Variants in FRAS1 observed in about 807,000 individuals in gnomAD.
FRAS1 encodes the protein extracellular matrix organizing protein FRAS1.
FRAS1 carries 290 observed loss-of-function variants against 435.2 expected under a neutral mutation model. The ratio of observed to expected loss-of-function variants is 0.67; its 90% CI spans 0.61 to 0.73. The LOEUF is 0.73. FRAS1 is among the 30% of genes least tolerant of loss of function. FRAS1 has a pLI of 0.00. For synonymous variants in FRAS1, 1,800 were observed against 1,851.0 expected (o/e 0.97, Z 0.71); for missense variants, 4,860 against 5,001.5 (o/e 0.97, Z 0.85).
intron 18 of FRAS1, among the ~76,000 whole-genome samples, chr4:78,326,166 T>C (rs1169636259): frequency 6.6e-6 from 1 of 152,078 alleles, no homozygotes; most frequent in African/African-American, 2.4e-5. Context: ...GTCTGGTGGA[T>C]GTGTGGCAGA....
intron 20 of FRAS1, among the ~76,000 whole-genome samples, chr4:78,356,749 T>A (rs906123591): frequency 6.6e-6 from 1 of 151,442 alleles, no homozygotes; most frequent in Non-Finnish European, 1.5e-5. Context: ...TTTCTTAGAT[T>A]GTTAGTTTTC....
rs2110232457 is a variant in FRAS1, at chr4:78,315,705, A to G, written c.1790A>G (p.Tyr597Cys). 6.2e-7 allele frequency: 1 copy of G among 1,614,006 alleles called. No individual in the cohort carries two copies. The highest frequency in any genetic ancestry group is 8.5e-7 in the Non-Finnish European group (1 of 1,179,884). The change falls in exon 16 of 74, where the codon TAC (tyrosine) becomes TGC (cysteine). Residue 597 changes from tyrosine to cysteine, a missense_variant. By Grantham distance (194) the Tyr-to-Cys change is radical. Transcript: ENST00000512123. ...GKCMSECPGG[Y>C]YADATGRCKV... ...TGCATGTCTGAATGCCCTGGCGGGTACTATGCTGATGCCACTGGCAGGTGC... is the reference window on the plus strand; with the variant it reads ...TGCATGTCTGAATGCCCTGGCGGGTGCTATGCTGATGCCACTGGCAGGTGC...
At chr4:78,354,808 A>T (rs958346905) in intron 20 of FRAS1, among the ~76,000 whole-genome samples, 1 of 152,224 alleles carries the variant, frequency 6.6e-6, no homozygotes, top group Non-Finnish European at 1.5e-5. Context: ...CATAAAACCA[A>T]CATCCAAAGC....
intron 15 of FRAS1, among the ~76,000 whole-genome samples, chr4:78,313,050 C>T (rs1729098029): frequency 6.6e-6 from 1 of 152,040 alleles, no homozygotes; most frequent in African/African-American, 2.4e-5. Context: ...ATATGCAATG[C>T]TTTTATTGTT....
chr4:78,342,615 T>C (rs1730437433), intron 20 of FRAS1, among the ~76,000 whole-genome samples: 1 of 152,236 alleles, frequency 6.6e-6, no homozygotes, highest in African/African-American at 2.4e-5. Flanking sequence ...AGGTGCTTTC[T>C]GCATTTCTCT....
At chr4:78,252,193 G>A (rs1029730052) in intron 4 of FRAS1, among the ~76,000 whole-genome samples, 199 bp from the exon 5 acceptor site, 3 of 152,056 alleles carry the variant, frequency 2.0e-5, no homozygotes, top group Non-Finnish European at 2.9e-5. Flanking sequence ...GTAATAGAAG[G>A]AGAAGTCCAT....
intron 2 of FRAS1, among the ~76,000 whole-genome samples, chr4:78,158,600 C>T (rs1199342379): frequency 2.0e-5 from 3 of 152,204 alleles, no homozygotes. Flanking sequence ...GATAAATTAA[C>T]TTCTCATGAC....
chr4:78,308,070 C>T lies in FRAS1; in HGVS notation c.1539C>T (p.Cys513=). 2 of 1,604,136 alleles carry T rather than the reference C, an allele frequency of 1.2e-6. No individual in the cohort carries two copies. The highest frequency in any genetic ancestry group is 1.1e-5 in the South Asian group (1 of 90,024). ...GATTTTGCTATTCGTCTGCAGTCTGCCATGAGTCCTGTGCAGGTTGCTGGG... is the reference window on the plus strand; with the variant it reads ...GATTTTGCTATTCGTCTGCAGTCTGTCATGAGTCCTGTGCAGGTTGCTGGG... ...FYQDRHSCAV[C]HESCAGCWGP... Residue 513 remains cysteine (C), a synonymous_variant, in exon 15 of 74, where the codon TGC becomes TGT. Transcript: ENST00000512123.
Position 78,536,980 on chromosome 4 carries a change from T to C in FRAS1, c.11093-15T>C. 1.2e-6 allele frequency: 2 copies of C among 1,608,034 alleles called. No homozygotes were observed. Among genetic ancestry groups the C allele is most frequent in the Non-Finnish European group, 1.7e-6 (2 of 1,174,798 alleles). ...CTTAAAGTCTGACCTAATTAATACC[T>C]TTCAATCTTTTCAGGTCAAATCCTT... On this transcript the variant is annotated splice_polypyrimidine_tract_variant and intron_variant, in intron 71 of 73. Transcript: ENST00000512123.
At chr4:78,386,616 T>A (rs1293634013) in intron 28 of FRAS1, among the ~76,000 whole-genome samples, 1 of 152,212 alleles carries the variant, frequency 6.6e-6, no homozygotes, top group Non-Finnish European at 1.5e-5. Context: ...TCAAATGATA[T>A]TTTTTTAAAA....
intron 58 of FRAS1, among the ~76,000 whole-genome samples, chr4:78,488,423 C>G (rs1720240016): frequency 1.3e-5 from 2 of 152,126 alleles, no homozygotes; most frequent in South Asian, 4.1e-4. Flanking sequence ...TCTCTGGCCC[C>G]AAGACCAATG....
chr4:78,175,141 G>T (rs1479029608), intron 2 of FRAS1, among the ~76,000 whole-genome samples: 1 of 152,212 alleles, frequency 6.6e-6, no homozygotes, highest in East Asian at 1.9e-4. Flanking sequence ...TCAGGCTCCT[G>T]GCTTCTTATC....
intron 14 of FRAS1, among the ~76,000 whole-genome samples, chr4:78,307,426 A>G (rs1459587397): frequency 2.0e-5 from 3 of 152,154 alleles, no homozygotes; most frequent in Admixed American, 2.0e-4. Flanking sequence ...TGTTTACCTA[A>G]GCAAGCCTGG....
chr4:78,325,413 G>A (rs888628654), intron 18 of FRAS1, among the ~76,000 whole-genome samples: 4 of 152,186 alleles, frequency 2.6e-5, no homozygotes, highest in African/African-American at 7.2e-5. Flanking sequence ...AAAAAAATAC[G>A]TGGGCAGGAA....
At chr4:78,297,938 T>C (rs1280422941) in intron 14 of FRAS1, among the ~76,000 whole-genome samples, 1 of 151,440 alleles carries the variant, frequency 6.6e-6, no homozygotes, top group Non-Finnish European at 1.5e-5. Flanking sequence ...CAGTAGATTA[T>C]AGCTGTTCTT....
intron 14 of FRAS1, among the ~76,000 whole-genome samples, chr4:78,293,097 C>T (rs1282859198): frequency 6.6e-6 from 1 of 152,202 alleles, no homozygotes; most frequent in African/African-American, 2.4e-5. Flanking sequence ...GAAAACTTCC[C>T]TCTAGTTAAG....
chr4:78,448,627 G>A (rs1718927674), intron 44 of FRAS1, among the ~76,000 whole-genome samples: 2 of 151,498 alleles, frequency 1.3e-5, no homozygotes, highest in African/African-American at 2.4e-5. Context: ...CTAGGCCCAG[G>A]TTTCCTCTAA....
chr4:78,319,566 TC>T (rs1158859699), intron 18 of FRAS1: 70 of 321,700 alleles, frequency 2.2e-4, no homozygotes, highest in Admixed American at 1.9e-3. Flanking sequence ...ATAGTTTGAC[TC>T]TAAAGCTACG....
At position 78,282,794 on chromosome 4, in the gene FRAS1, A is replaced by G. The variant is rs574282401; in HGVS notation, c.1108-26A>G. 62 of 1,611,914 alleles carry G rather than the reference A, an allele frequency of 3.8e-5. No homozygotes were observed. In the South Asian group the frequency reaches 4.1e-4, roughly 11 times the overall value. Reference sequence around the variant, plus strand: ...TCTGAATTACTGCATCCTGATGACAATGCTGTTCTTCACTTTTTTGCGTAG... The same window carrying G: ...TCTGAATTACTGCATCCTGATGACAGTGCTGTTCTTCACTTTTTTGCGTAG... On this transcript the variant is annotated intron_variant, in intron 11 of 73. Coordinates refer to ENST00000512123, the MANE Select transcript of FRAS1 (RefSeq NM_025074.7).
Sources: gnomAD v4.1 joint callset for allele counts (sites outside exome capture counted in the v4.1 genomes callset) on GRCh38, gnomAD v4.1.1 for gene constraint, MANE v1.5 for transcripts, NCBI Gene and HGNC (gene_info 2026-07-23, HGNC 2026-07-21) for gene names.